SNX29: variants seen among roughly 807,000 people sequenced by gnomAD.
SNX29 encodes sorting nexin 29, also known as sorting nexin-29.
SNX29 carries 78 observed loss-of-function variants against 102.1 expected under a neutral mutation model. That is an observed-to-expected ratio of 0.76 (90% CI 0.64 to 0.92). The LOEUF is 0.92. SNX29 is among the 40% of genes least tolerant of loss of function. SNX29 has a pLI of 0.00. For synonymous variants in SNX29, 580 were observed against 414.5 expected (o/e 1.40, Z -4.85); for missense variants, 1,280 against 1,061.7 (o/e 1.21, Z -2.86).
chr16:12,438,851 G>A (rs1256404921), intron 18 of SNX29, among the ~76,000 whole-genome samples: 1 of 152,192 alleles, frequency 6.6e-6, no homozygotes, highest in Non-Finnish European at 1.5e-5. Flanking sequence ...TGGGCTGAGG[G>A]CCTGGGATGG....
intron 18 of SNX29, among the ~76,000 whole-genome samples, chr16:12,467,636 G>A (rs537380564): frequency 1.6e-5 from 2 of 128,526 alleles, no homozygotes; most frequent in African/African-American, 3.8e-5. Flanking sequence ...TCGTTCGTTC[G>A]TTCATTCATT....
chr16:12,446,046 T>C (rs2086035695), intron 18 of SNX29, among the ~76,000 whole-genome samples: 1 of 122,080 alleles, frequency 8.2e-6, no homozygotes, highest in East Asian at 2.4e-4. Context: ...AGCTTCTCAT[T>C]CTTTTTTTTT....
At chr16:12,366,162 C>A (rs9944311) in intron 16 of SNX29, among the ~76,000 whole-genome samples, 9,537 of 149,868 alleles carry the variant, frequency 0.064, 527 homozygotes, top group African/African-American at 0.15. Context: ...AGCCTGAAAA[C>A]TGTTGGATTA....
chr16:12,339,964 C>T (rs931072994), intron 15 of SNX29, among the ~76,000 whole-genome samples: 8 of 152,064 alleles, frequency 5.3e-5, no homozygotes, highest in Non-Finnish European at 2.9e-5. Context: ...AGCAGGATTC[C>T]ATTAGCCAAA....
At chr16:12,442,633 C>G (rs1365348956) in intron 18 of SNX29, among the ~76,000 whole-genome samples, 2 of 151,902 alleles carry the variant, frequency 1.3e-5, no homozygotes, top group Non-Finnish European at 2.9e-5. Context: ...CACCCAGACC[C>G]AGGCTGGAGC....
intron 15 of SNX29, among the ~76,000 whole-genome samples, chr16:12,317,641 A>C (rs1446968933): frequency 6.6e-6 from 1 of 152,170 alleles, no homozygotes; most frequent in Non-Finnish European, 1.5e-5. Flanking sequence ...TTGTGCATTT[A>C]ATTAACACCT....
chr16:12,241,924 T>G (rs1475782318), intron 14 of SNX29, among the ~76,000 whole-genome samples: 1 of 152,148 alleles, frequency 6.6e-6, no homozygotes, highest in Non-Finnish European at 1.5e-5. Flanking sequence ...GGCTCCTGCC[T>G]CTGTGCCAGG....
intron 3 of SNX29, among the ~76,000 whole-genome samples, chr16:12,017,508 G>A (rs2056886383): frequency 6.6e-6 from 1 of 152,096 alleles, no homozygotes; most frequent in East Asian, 1.9e-4. Context: ...TTGTTTCACT[G>A]TATTTATGGT....
intron 13 of SNX29, among the ~76,000 whole-genome samples, chr16:12,186,109 A>G (rs909699093): frequency 4.6e-5 from 7 of 152,198 alleles, no homozygotes; most frequent in African/African-American, 1.4e-4. Context: ...TCTTGGCTTT[A>G]TAGTACCAGT....
At chr16:12,448,375 C>G (rs1278009653) in intron 18 of SNX29, among the ~76,000 whole-genome samples, 1 of 152,134 alleles carries the variant, frequency 6.6e-6, no homozygotes, top group Non-Finnish European at 1.5e-5. Flanking sequence ...AGCGTTTTTA[C>G]CTGATTCCCA....
At chr16:12,350,273 G>A (rs574880467) in intron 15 of SNX29, among the ~76,000 whole-genome samples, 6 of 152,294 alleles carry the variant, frequency 3.9e-5, no homozygotes, top group East Asian at 1.9e-4. Context: ...TGTACTGAAC[G>A]TGTACAGACT....
chr16:12,534,821 C>T (rs996353037), intron 20 of SNX29, among the ~76,000 whole-genome samples: 2 of 152,166 alleles, frequency 1.3e-5, no homozygotes, highest in Non-Finnish European at 2.9e-5. Context: ...CAGTTCCAGG[C>T]ACAGCTGGGA....
At chr16:12,409,695 G>A (rs998871356) in intron 18 of SNX29, among the ~76,000 whole-genome samples, 2 of 152,046 alleles carry the variant, frequency 1.3e-5, no homozygotes, top group Admixed American at 6.5e-5. Flanking sequence ...GTCTCTAAAG[G>A]TATGTTAGGC....
At chr16:12,201,159 A>T (rs2076905127) in intron 14 of SNX29, among the ~76,000 whole-genome samples, 1 of 152,222 alleles carries the variant, frequency 6.6e-6, no homozygotes, top group South Asian at 2.1e-4. Context: ...AACTGTGGTC[A>T]TTCTGGAGTT....
At chr16:12,049,460 G>A (rs1335270968) in intron 7 of SNX29, among the ~76,000 whole-genome samples, 1 of 151,886 alleles carries the variant, frequency 6.6e-6, no homozygotes, top group Non-Finnish European at 1.5e-5. Flanking sequence ...AACCTTCTGA[G>A]TAGGTGGGAC....
chr16:12,552,775 C>G (rs747506608), intron 20 of SNX29, among the ~76,000 whole-genome samples: 2 of 152,220 alleles, frequency 1.3e-5, no homozygotes, highest in Non-Finnish European at 1.5e-5. Flanking sequence ...GAATTCATCT[C>G]AGCTCTGGGC....
chr16:12,326,641 C>A (rs532813881), intron 15 of SNX29, among the ~76,000 whole-genome samples: 5 of 152,186 alleles, frequency 3.3e-5, no homozygotes, highest in Non-Finnish European at 5.9e-5. Context: ...CTGTAACTTG[C>A]TGGCCCCTGT....
chr16:12,558,568 A>G (rs4781256), intron 20 of SNX29, among the ~76,000 whole-genome samples: 110,014 of 152,240 alleles, frequency 0.72, 40,899 homozygotes, highest in Middle Eastern at 0.84. Context: ...TACCCCGTCC[A>G]TGGTGGATCC....
chr16:12,044,522 A>C (rs1488971820), intron 5 of SNX29, among the ~76,000 whole-genome samples: 1 of 152,166 alleles, frequency 6.6e-6, no homozygotes, highest in Non-Finnish European at 1.5e-5. Context: ...GAGGCTGAGA[A>C]TGTCTGGATC....
Sources: allele counts gnomAD v4.1 joint callset (sites outside exome capture counted in the v4.1 genomes callset), GRCh38; gene constraint gnomAD v4.1.1; transcripts MANE v1.5; gene names NCBI Gene and HGNC (gene_info 2026-07-23, HGNC 2026-07-21).